The following RETREG3 variants were observed in gnomAD, a reference collection of about 807,000 sequenced individuals.
RETREG3 encodes reticulophagy regulator family member 3.
A neutral mutation model predicts 50.2 loss-of-function variants in RETREG3; 23 were observed. The ratio of observed to expected loss-of-function variants is 0.46; its 90% CI spans 0.33 to 0.65. RETREG3 has a LOEUF of 0.65. Among genes scored for constraint, RETREG3 ranks in the 30% least tolerant of loss-of-function variants. The pLI is 0.02. For missense variants in RETREG3, 546 were observed against 598.0 expected (o/e 0.91, Z 0.91); for synonymous variants, 240 against 234.4 (o/e 1.02, Z -0.22).
At chr17:42,602,178 A>G (rs902992715) in intron 1 of RETREG3, among the ~76,000 whole-genome samples, 1 of 151,842 alleles carries the variant, frequency 6.6e-6, no homozygotes, top group African/African-American at 2.4e-5. Context: ...CAGCCAAGAC[A>G]TGGTGGTGCA....
At chr17:42,586,656 C>G (rs2093121883) in intron 4 of RETREG3, 109 bp downstream of exon 4, 3 of 1,451,986 alleles carry the variant, frequency 2.1e-6, no homozygotes, top group Non-Finnish European at 1.9e-6. Flanking sequence ...CTATGAACAT[C>G]ATAGTCTTTA....
At chr17:42,586,253 C>A in intron 4 of RETREG3, 116 bp from the exon 5 acceptor site, 1 of 899,620 alleles carries the variant, frequency 1.1e-6, no homozygotes, top group Non-Finnish European at 1.8e-6. Context: ...CATGGACGTG[C>A]AGCCACTGTT....
At chr17:42,606,579 C>A (rs1021446918) in intron 1 of RETREG3, among the ~76,000 whole-genome samples, 3 of 146,832 alleles carry the variant, frequency 2.0e-5, no homozygotes, top group Non-Finnish European at 4.5e-5. Context: ...CCAGCCTGGG[C>A]GACAGAGCGA....
In RETREG3 at chr17:42,580,628, T is replaced by A. The variant is rs2093105486; in HGVS notation, c.*1185A>T. 6.6e-6 allele frequency: 1 copy of A among 152,638 alleles called. No individual in the cohort carries two copies. Among genetic ancestry groups the A allele is most frequent in the Non-Finnish European group, 1.5e-5 (1 of 68,038 alleles). The allele number at this position is 152,638 out of a possible 1,614,324, so 9.5% of individuals were successfully genotyped here. A position where few individuals can be genotyped will look rare whatever the true frequency, so the allele number is the denominator to read the frequency against. On this transcript the variant is annotated 3_prime_UTR_variant, in exon 9 of 9. Coordinates refer to ENST00000309428, the MANE Select transcript of RETREG3 (RefSeq NM_178126.4). ...ATCCCCACATCATATTCACATTTTTTAAATTTCACAAGCAATACTTTGGAC... is the reference window on the plus strand; with the variant it reads ...ATCCCCACATCATATTCACATTTTTAAAATTTCACAAGCAATACTTTGGAC...
chr17:42,606,275 T>C (rs1197892513), intron 1 of RETREG3, among the ~76,000 whole-genome samples: 1 of 152,096 alleles, frequency 6.6e-6, no homozygotes, highest in Non-Finnish European at 1.5e-5. Context: ...TAAAGATATG[T>C]CCCAGTCACA....
intron 2 of RETREG3, among the ~76,000 whole-genome samples, chr17:42,590,238 G>GT (rs1238488797): frequency 2.6e-5 from 4 of 152,028 alleles, no homozygotes; most frequent in African/African-American, 7.3e-5. Flanking sequence ...GGGTGTGGTG[G>GT]TATGCACCTG....
intron 3 of RETREG3, 149 bp downstream of exon 3, chr17:42,587,685 C>G (rs907407949): frequency 2.2e-6 from 2 of 895,140 alleles, no homozygotes; most frequent in African/African-American, 3.3e-5. Context: ...GCTGCCTGAA[C>G]TTTAGGATGT....
intron 1 of RETREG3, among the ~76,000 whole-genome samples, chr17:42,594,892 T>C (rs1453749687): frequency 6.6e-6 from 1 of 151,960 alleles, no homozygotes. Context: ...GGCTGTACAT[T>C]TGAATATACA....
Position 42,582,658 on chromosome 17 carries a change from C to A in RETREG3, c.943+16G>T, listed in dbSNP as rs755749066. 20 of 1,613,818 alleles carry A rather than the reference C, an allele frequency of 1.2e-5. No individual in the cohort carries two copies. Among genetic ancestry groups the A allele is most frequent in the South Asian group, 8.8e-5 (8 of 91,058 alleles). ...AGTCAGAGCCATTATCAACTGAGGT[C>A]AAAGGCTCCCCTCACCTTCAGAGCC... On this transcript the variant is annotated intron_variant, in intron 8 of 8. Transcript: ENST00000309428.
At chr17:42,604,012 A>AT (rs10708104) in intron 1 of RETREG3, among the ~76,000 whole-genome samples, 1 of 150,826 alleles carries the variant, frequency 6.6e-6, no homozygotes, top group African/African-American at 2.4e-5. Flanking sequence ...AGATGTGTAG[A>AT]TTTTTTTTAA....
intron 2 of RETREG3, among the ~76,000 whole-genome samples, chr17:42,590,718 G>A (rs1337807402): frequency 6.6e-6 from 1 of 152,086 alleles, no homozygotes; most frequent in Non-Finnish European, 1.5e-5. Flanking sequence ...TGTAATCCCA[G>A]CACTTTGGGA....
Position 42,582,270 on chromosome 17 carries a change from T to C in RETREG3, c.944A>G (p.Asp315Gly). 1.9e-6 allele frequency: 3 copies of C among 1,600,772 alleles called. No homozygotes were observed. The highest frequency in any genetic ancestry group is 2.5e-6 in the Non-Finnish European group (3 of 1,178,320). The change falls in exon 9 of 9, where the codon GAC (aspartate) becomes GGC (glycine). Residue 315 changes from aspartate to glycine, a missense_variant and splice_region_variant. Physicochemically the swap from Asp to Gly is moderately conservative, Grantham distance 94 (BLOSUM62 -1). Coordinates refer to ENST00000309428, the MANE Select transcript of RETREG3 (RefSeq NM_178126.4). ...CTCTGGATCACTGTGACCATCTAGG[T>C]CTGGTGGAATACAGAAGTGTCTGAG... ...GQTPLTEGSE[D>G]LDGHSDPEES... is the part of the protein sequence containing the mutation.
intron 5 of RETREG3, 87 bp from the exon 6 acceptor site, chr17:42,585,349 G>A (rs2093119354): frequency 6.5e-7 from 1 of 1,535,464 alleles, no homozygotes; most frequent in South Asian, 1.2e-5. Context: ...TGGTCCTTAG[G>A]GCTTGGACAC....
chr17:42,583,273 C>G (rs1309837316), intron 7 of RETREG3, among the ~76,000 whole-genome samples: 1 of 152,028 alleles, frequency 6.6e-6, no homozygotes, highest in African/African-American at 2.4e-5. Flanking sequence ...TACGGAAGAG[C>G]GGTGCTGGGC....
intron 1 of RETREG3, among the ~76,000 whole-genome samples, chr17:42,608,029 G>GA (rs2093171539): frequency 6.6e-6 from 1 of 152,120 alleles, no homozygotes; most frequent in Admixed American, 6.6e-5. Flanking sequence ...TCAGCTCACT[G>GA]AAAATCTTTC....
intron 1 of RETREG3, among the ~76,000 whole-genome samples, chr17:42,600,053 GA>G (rs1199159331): frequency 6.6e-6 from 1 of 151,086 alleles, no homozygotes; most frequent in African/African-American, 2.4e-5. Context: ...GGTTTGTGGG[GA>G]AAAAAAGAGT....
At position 42,582,017 on chromosome 17, in the gene RETREG3, G is replaced by A; in HGVS notation, c.1197C>T (p.Ser399=). ...GCTGAATCATACCCTGGGAGACCAG[G>A]CTGGCAAGGTTGCTGGTGAGGTTGG... ...VGSNLTSNLA[S]LVSQGMIQLA... The change falls in exon 9 of 9, where the codon AGC becomes AGT. Residue 399 remains serine, a synonymous_variant. Transcript: ENST00000309428. 1.2e-6 allele frequency: 2 copies of A among 1,614,140 alleles called. No individual in the cohort carries two copies. The highest frequency in any genetic ancestry group is 8.5e-7 in the Non-Finnish European group (1 of 1,180,028).
rs1224622864 is a variant in RETREG3, at chr17:42,592,092, C to T, written c.310G>A (p.Asp104Asn). Residue 104 changes from aspartate to asparagine, a missense_variant, in exon 2 of 9, where the codon GAT (aspartate) becomes AAT (asparagine). By Grantham distance (23) the Asp-to-Asn change is conservative. Transcript: ENST00000309428. ...AFGLMIIVCI[D>N]QWKNKIWPEI... The stretch of plus-strand genomic sequence containing the variant: ...GGCCAGATTTTGTTCTTCCATTGAT[C>T]AATACACACAATGATCATCAAGCCA... The T allele has an allele frequency of 1.2e-6, 2 of 1,613,646 alleles. No homozygotes were observed. The highest frequency in any genetic ancestry group is 1.6e-4 in the Middle Eastern group (1 of 6,062).
At chr17:42,598,308 T>C (rs1328423908) in intron 1 of RETREG3, among the ~76,000 whole-genome samples, 2 of 152,170 alleles carry the variant, frequency 1.3e-5, no homozygotes, top group East Asian at 3.9e-4. Context: ...TATTGTGGCT[T>C]GTTCCAAAAA....
Sources: gnomAD v4.1 joint callset for allele counts (sites outside exome capture counted in the v4.1 genomes callset) on GRCh38, gnomAD v4.1.1 for gene constraint, MANE v1.5 for transcripts, NCBI Gene and HGNC (gene_info 2026-07-23, HGNC 2026-07-21) for gene names.